Variants in SLC39A9 observed in about 807,000 individuals in gnomAD.
SLC39A9 encodes zinc transporter ZIP9.
A neutral mutation model predicts 28.4 loss-of-function variants in SLC39A9; 14 were observed. The ratio of observed to expected loss-of-function variants is 0.49; its 90% CI spans 0.33 to 0.77. SLC39A9 has a LOEUF of 0.77. SLC39A9 is among the 30% of genes least tolerant of loss of function. The probability of loss-of-function intolerance (pLI) is 0.02; values close to 1 mark genes in which losing one functional copy is unlikely to be tolerated. For missense variants in SLC39A9, 283 were observed against 381.1 expected (o/e 0.74, Z 2.14); for synonymous variants, 119 against 149.6 (o/e 0.80, Z 1.49).
At position 69,453,522 on chromosome 14, in the gene SLC39A9, TAA is replaced by T. The variant is rs760553500; in HGVS notation, c.472+223_472+224del. ...ATGGTTTCTATACTTTTTAATGGTT[TAA>T]AAAAAAAAAGAGAGAGAGGAACATA... On this transcript the variant is annotated intron_variant, in intron 4 of 6. Transcript: ENST00000336643. 3.5e-4 allele frequency among the ~76,000 whole-genome samples: 51 copies of T among 146,336 alleles called. 3 individuals carry two copies. The highest frequency in any genetic ancestry group is 2.4e-3 in the South Asian group (11 of 4,602).
Position 69,458,471 on chromosome 14 carries a change from G to A in SLC39A9, c.802G>A (p.Gly268Arg), listed in dbSNP as rs760278152. ...ATVHVLPEVGGIGHSHKPDAT... is the reference protein window; with the variant it reads ...ATVHVLPEVGRIGHSHKPDAT... ...AGTACATGTCCTCCCTGAGGTGGGC[G>A]GAATAGGGCACAGCCACAAGCCCGA... Residue 268 changes from glycine to arginine, a missense_variant, in exon 7 of 7, where the codon GGA (glycine) becomes AGA (arginine). Physicochemically the swap from Gly to Arg is moderately radical, Grantham distance 125. Transcript: ENST00000336643. 1.1e-5 allele frequency: 18 copies of A among 1,614,130 alleles called. No homozygotes were observed. The highest frequency in any genetic ancestry group is 6.7e-5 in the Admixed American group (4 of 60,010).
rs992781187 is a variant in SLC39A9 at position 69,459,673 on chromosome 14, A to T, written c.*1080A>T. ...CACATAACCACCTGTAGCAAGATGG[A>T]TCATAAATGAGAAGTGTTTGCCTAT... is the stretch of plus-strand genomic sequence containing the variant. On this transcript the variant is annotated 3_prime_UTR_variant, in exon 7 of 7. Transcript: ENST00000336643. The T allele has an allele frequency of 5.7e-5, 56 of 984,862 alleles. No homozygotes were observed. The highest frequency in any genetic ancestry group is 6.7e-5 in the Non-Finnish European group (56 of 829,808). The allele number at this position is 984,862 out of a possible 1,614,324, so 61.0% of individuals were successfully genotyped here.
Position 69,459,296 on chromosome 14 carries a change from G to C in SLC39A9, c.*703G>C. ...TCAAATGGAGCAGGAGAGGTGGGAG[G>C]AGCTTCTAAAGAGGTGACTGGTATT... On this transcript the variant is annotated 3_prime_UTR_variant, in exon 7 of 7. Coordinates refer to ENST00000336643, the MANE Select transcript of SLC39A9 (RefSeq NM_018375.5). 1.0e-6 allele frequency: 1 copy of C among 985,386 alleles called. No individual in the cohort carries two copies. Among genetic ancestry groups the C allele is most frequent in the South Asian group, 4.7e-5 (1 of 21,274 alleles). The allele number at this position is 985,386 out of a possible 1,614,324, so 61.0% of individuals were successfully genotyped here. A position where few individuals can be genotyped will look rare whatever the true frequency, so the allele number is the denominator to read the frequency against.
intron 1 of SLC39A9, among the ~76,000 whole-genome samples, chr14:69,402,072 G>A (rs1882663315): frequency 6.6e-6 from 1 of 152,114 alleles, no homozygotes; most frequent in Non-Finnish European, 1.5e-5. Flanking sequence ...TTTTAAGGAA[G>A]TCTGGCTTTC....
chr14:69,441,296 G>C (rs1038772046), intron 2 of SLC39A9, among the ~76,000 whole-genome samples: 6 of 152,066 alleles, frequency 3.9e-5, no homozygotes, highest in African/African-American at 1.4e-4. Flanking sequence ...TTTTAAAGAA[G>C]GCTTAAACTG....
At position 69,459,714 on chromosome 14, in the gene SLC39A9, T is replaced by C; in HGVS notation, c.*1121T>C. 2 of 985,054 alleles carry C rather than the reference T, an allele frequency of 2.0e-6. No individual in the cohort carries two copies. The highest frequency in any genetic ancestry group is 2.4e-6 in the Non-Finnish European group (2 of 829,620). 61.0% of individuals were successfully genotyped at this position (985,054 alleles called of 1,614,324 possible). ...GTTTGCCTATTGATTTAAAGCTTAT[T>C]GGAATCATGTCTCTTGTCTCTTCGT... On this transcript the variant is annotated 3_prime_UTR_variant, in exon 7 of 7. Coordinates refer to ENST00000336643, the MANE Select transcript of SLC39A9 (RefSeq NM_018375.5).
intron 1 of SLC39A9, among the ~76,000 whole-genome samples, chr14:69,400,964 T>C (rs1420363717): frequency 9.3e-5 from 14 of 150,130 alleles, no homozygotes; most frequent in African/African-American, 3.2e-4. Flanking sequence ...CTGGGCAACA[T>C]TGAGACTCTT....
At chr14:69,416,727 G>A (rs1366098280) in intron 1 of SLC39A9, among the ~76,000 whole-genome samples, 1 of 152,208 alleles carries the variant, frequency 6.6e-6, no homozygotes, top group Non-Finnish European at 1.5e-5. Flanking sequence ...GACCAGTGAT[G>A]ATGAGCATTT....
At position 69,460,849 on chromosome 14, in the gene SLC39A9, C is replaced by G; in HGVS notation, c.*2256C>G. 2 of 985,478 alleles carry G rather than the reference C, an allele frequency of 2.0e-6. No homozygotes were observed. The highest frequency in any genetic ancestry group is 2.4e-6 in the Non-Finnish European group (2 of 829,956). The allele number at this position is 985,478 out of a possible 1,614,324, so 61.0% of individuals were successfully genotyped here. On this transcript the variant is annotated 3_prime_UTR_variant, in exon 7 of 7. Transcript: ENST00000336643. ...CTGCTGCCTCGAGAACTACTCATTT[C>G]TCTCCTGGTCAGCAGACAGAAATAG...
At chr14:69,432,168 A>G (rs564732769) in intron 2 of SLC39A9, among the ~76,000 whole-genome samples, 2 of 152,204 alleles carry the variant, frequency 1.3e-5, no homozygotes, top group Non-Finnish European at 1.5e-5. Context: ...GAACTAATTT[A>G]CATTCCCATC....
chr14:69,441,841 A>G (rs774420354), intron 2 of SLC39A9: 114 of 1,289,026 alleles, frequency 8.8e-5, no homozygotes, highest in Non-Finnish European at 9.9e-5. Flanking sequence ...GGTGTTGAGA[A>G]TAATAGGCAG....
At chr14:69,444,101 A>G (rs188039674) in intron 3 of SLC39A9, among the ~76,000 whole-genome samples, 2 of 150,802 alleles carry the variant, frequency 1.3e-5, no homozygotes, top group Non-Finnish European at 3.0e-5. Flanking sequence ...TGGTAAGATC[A>G]CTTGAGCCCA....
chr14:69,442,883 T>C (rs1885113611), intron 3 of SLC39A9, among the ~76,000 whole-genome samples: 1 of 152,242 alleles, frequency 6.6e-6, no homozygotes, highest in Non-Finnish European at 1.5e-5. Flanking sequence ...TAGTTGATTT[T>C]GGGTTTTTGT....
At chr14:69,448,753 T>G (rs1885462563) in intron 3 of SLC39A9, among the ~76,000 whole-genome samples, 1 of 152,132 alleles carries the variant, frequency 6.6e-6, no homozygotes, top group Non-Finnish European at 1.5e-5. Context: ...GCAAGAAAAT[T>G]AGAAAAAGTG....
chr14:69,440,974 G>A (rs553477969), intron 2 of SLC39A9, among the ~76,000 whole-genome samples: 1 of 151,544 alleles, frequency 6.6e-6, no homozygotes, highest in East Asian at 1.9e-4. Flanking sequence ...GTTTTGTTTT[G>A]TTTTTAAGAG....
chr14:69,421,785 T>A (rs923119137), intron 1 of SLC39A9, among the ~76,000 whole-genome samples: 15 of 152,292 alleles, frequency 9.8e-5, no homozygotes, highest in African/African-American at 3.6e-4. Context: ...TGAATAAGGC[T>A]CCATGGGTGT....
At chr14:69,433,650 C>T (rs935287888) in intron 2 of SLC39A9, among the ~76,000 whole-genome samples, 1 of 152,130 alleles carries the variant, frequency 6.6e-6, no homozygotes, top group South Asian at 2.1e-4. Context: ...CCTGTTTCTT[C>T]TTGAGTATGC....
At chr14:69,430,628 C>CTTTTT (rs71446389) in intron 2 of SLC39A9, among the ~76,000 whole-genome samples, 11 of 137,744 alleles carry the variant, frequency 8.0e-5, no homozygotes, top group African/African-American at 1.1e-4. Context: ...ATTTTTCTTT[C>CTTTTT]TTTTTTTTTT....
At chr14:69,425,752 G>A (rs1410211509) in intron 2 of SLC39A9, among the ~76,000 whole-genome samples, 1 of 151,846 alleles carries the variant, frequency 6.6e-6, no homozygotes, top group Admixed American at 6.6e-5. Context: ...AAATCTCTTG[G>A]GTTTAAGCAA....
Sources: allele counts gnomAD v4.1 joint callset (sites outside exome capture counted in the v4.1 genomes callset), GRCh38; gene constraint gnomAD v4.1.1; transcripts MANE v1.5; gene names NCBI Gene and HGNC (gene_info 2026-07-23, HGNC 2026-07-21).